The following PAQR3 variants were observed in gnomAD, a reference collection of about 807,000 sequenced individuals.
The protein encoded by PAQR3 is progestin and adipoQ receptor family member 3, also known as Raf kinase trapping to Golgi.
A neutral mutation model predicts 41.7 loss-of-function variants in PAQR3; 39 were observed. The ratio of observed to expected loss-of-function variants is 0.93; its 90% CI spans 0.72 to 1.22. The LOEUF is 1.22. Ranked by LOEUF, PAQR3 falls within the 50% of genes most tolerant of loss-of-function variation. The pLI is 0.00. For synonymous variants in PAQR3, 140 were observed against 140.6 expected (o/e 1.00, Z 0.03); for missense variants, 366 against 385.6 (o/e 0.95, Z 0.42).
At chr4:78,927,099 C>A (rs575498811) in intron 3 of PAQR3, among the ~76,000 whole-genome samples, 40 of 152,180 alleles carry the variant, frequency 2.6e-4, no homozygotes, top group Non-Finnish European at 4.9e-4. Flanking sequence ...ATGGTAGATA[C>A]CGTAATTGAG....
At chr4:78,910,795 T>C, downstream of PAQR3, 2 of 1,613,814 alleles carry the variant, frequency 1.2e-6, no homozygotes, top group Non-Finnish European at 1.7e-6. Flanking sequence ...AGATCCCCCT[T>C]CTCCTAAGAG....
chr4:78,894,578 G>A (rs1463893123), intron 11 of PAQR3, among the ~76,000 whole-genome samples: 1 of 152,170 alleles, frequency 6.6e-6, no homozygotes, highest in Non-Finnish European at 1.5e-5. Flanking sequence ...TTTGGCTTAC[G>A]GGAACGCAGT....
intron 2 of PAQR3, among the ~76,000 whole-genome samples, chr4:78,934,149 T>C (rs1353289326): frequency 5.9e-5 from 9 of 152,366 alleles, no homozygotes; most frequent in Admixed American, 1.3e-4. Flanking sequence ...AAATAGATTA[T>C]GCTTTCCCTC....
At position 78,939,354 on chromosome 4, in the gene PAQR3, G is replaced by C; in HGVS notation, c.-130C>G. The C allele has an allele frequency of 1.3e-6, 1 of 789,000 alleles. No homozygotes were observed. 48.9% of individuals were successfully genotyped at this position (789,000 alleles called of 1,614,324 possible). A position where few individuals can be genotyped will look rare whatever the true frequency, so the allele number is the denominator to read the frequency against. ...CTGCGCGAGGTCCTACCGCGCTGCC[G>C]CTGCTGCCCAGGGCCCGGCTCTGCG... On this transcript the variant is annotated 5_prime_UTR_variant, in exon 1 of 6. Transcript: ENST00000512733.
rs138182736 is a variant in PAQR3 at position 78,929,410 on chromosome 4, T to C, written c.504+760A>G. 8.1e-3 allele frequency among the ~76,000 whole-genome samples: 1,235 copies of C among 152,292 alleles called. 6 individuals carry two copies. Among genetic ancestry groups the C allele is most frequent in the Non-Finnish European group, 0.014 (930 of 68,020 alleles). Reference sequence around the variant, plus strand: ...GAGATGTACTGAAACCATGGGAACATTGAATTTGTCTTCTTGGCTGGAACA... The same window carrying C: ...GAGATGTACTGAAACCATGGGAACACTGAATTTGTCTTCTTGGCTGGAACA... On this transcript the variant is annotated intron_variant, in intron 3 of 5. Coordinates refer to ENST00000512733, the MANE Select transcript of PAQR3 (RefSeq NM_001040202.2).
chr4:78,926,751 T>C, intron 3 of PAQR3, 33 bp from the exon 4 acceptor site: 1 of 1,583,788 alleles, frequency 6.3e-7, no homozygotes, highest in East Asian at 2.2e-5. Flanking sequence ...TTTAATTCTG[T>C]TATTAACAAT....
chr4:78,921,949 TTTGA>T, intron 5 of PAQR3: 2 of 984,950 alleles, frequency 2.0e-6, no homozygotes, highest in South Asian at 4.7e-5. Flanking sequence ...TTACAATAAG[TTTGA>T]TTGTTTATAT....
rs1736373952 is a variant in PAQR3, at chr4:78,927,613, A to G, written c.505-895T>C. Among the ~76,000 whole-genome samples, 7 of 152,384 alleles carry G rather than the reference A, an allele frequency of 4.6e-5. No homozygotes were observed. In the South Asian group the frequency reaches 1.2e-3, roughly 27 times the overall value. On this transcript the variant is annotated intron_variant, in intron 3 of 5. Transcript: ENST00000512733. ...GACTGTTTTTGGCCTGAAAGGCCAC[A>G]TAAATGGCTTCTATTAATGAAGCAA...
chr4:78,926,628 A>T lies in PAQR3; in HGVS notation c.595T>A (p.Trp199Arg). 6.2e-7 allele frequency: 1 copy of T among 1,613,976 alleles called. No homozygotes were observed. Among genetic ancestry groups the T allele is most frequent in the Non-Finnish European group, 8.5e-7 (1 of 1,179,842 alleles). The change falls in exon 4 of 6, where the codon TGG (tryptophan) becomes AGG (arginine). Residue 199 changes from tryptophan to arginine, a missense_variant. Trp to Arg is a moderately radical substitution (Grantham distance 101). Coordinates refer to ENST00000512733, the MANE Select transcript of PAQR3 (RefSeq NM_001040202.2). ...QIHPNYLTQQ[W>R]QRLRSIIFCS... is the part of the protein sequence containing the mutation. ...AAGATGATAGAACGGAGCCTTTGCC[A>T]TTGCTGCGTGAGGTAATTGGGATGA...
intron 11 of PAQR3, chr4:78,898,709 C>T (rs1197634859): frequency 6.8e-6 from 1 of 147,758 alleles, no homozygotes; most frequent in African/African-American, 2.5e-5. Flanking sequence ...AACAAAATGA[C>T]TACAGAAATT....
chr4:78,893,233 T>TAG (rs1266591988), intron 11 of PAQR3, among the ~76,000 whole-genome samples: 2 of 152,232 alleles, frequency 1.3e-5, no homozygotes, highest in Non-Finnish European at 2.9e-5. Flanking sequence ...TGCTCAAGCA[T>TAG]AAGCAACTCC....
At chr4:78,896,643 CTA>C (rs1318967162) in intron 11 of PAQR3, among the ~76,000 whole-genome samples, 2 of 152,128 alleles carry the variant, frequency 1.3e-5, no homozygotes, top group East Asian at 3.8e-4. Context: ...AACTATGAGA[CTA>C]ATATGTCTAC....
At chr4:78,887,409 CT>C in intron 12 of PAQR3, 1 of 716,084 alleles carries the variant, frequency 1.4e-6, no homozygotes. Context: ...ATATTTTAAC[CT>C]TTAGCCATCC....
chr4:78,887,330 A>C, intron 12 of PAQR3: 1 of 1,342,640 alleles, frequency 7.4e-7, no homozygotes, highest in Non-Finnish European at 1.1e-6. Flanking sequence ...TAAAACACAC[A>C]AGAACAACAG....
downstream of PAQR3, chr4:78,911,627 G>A (rs754406648): frequency 3.1e-6 from 5 of 1,613,838 alleles, no homozygotes; most frequent in East Asian, 2.2e-5. Flanking sequence ...GTGGGCCGCC[G>A]AGACTCTCAA....
At position 78,919,526 on chromosome 4, in the gene PAQR3, G is replaced by A. The variant is rs759658925; in HGVS notation, c.*1013C>T. Reference sequence around the variant, plus strand: ...TAACACATGCAGAAACCGAGGACCAGAGCACAGGTGAATAAGATTATTATC... The same window carrying A: ...TAACACATGCAGAAACCGAGGACCAAAGCACAGGTGAATAAGATTATTATC... On this transcript the variant is annotated 3_prime_UTR_variant, in exon 6 of 6. Transcript: ENST00000512733. 1.0e-5 allele frequency: 10 copies of A among 985,014 alleles called. No homozygotes were observed. The highest frequency in any genetic ancestry group is 1.1e-5 in the Non-Finnish European group (9 of 829,794). 61.0% of individuals were successfully genotyped at this position (985,014 alleles called of 1,614,324 possible).
downstream of PAQR3, chr4:78,910,730 C>G: frequency 6.2e-7 from 1 of 1,613,704 alleles, no homozygotes; most frequent in Non-Finnish European, 8.5e-7. Context: ...AAGAAAACCT[C>G]AGTACAGGGT....
chr4:78,936,779 T>A (rs1213273386), intron 1 of PAQR3, among the ~76,000 whole-genome samples: 1 of 152,198 alleles, frequency 6.6e-6, no homozygotes, highest in African/African-American at 2.4e-5. Context: ...AAATCCAGTA[T>A]AACCTGACTA....
At chr4:78,897,744 T>G (rs913210523) in intron 11 of PAQR3, among the ~76,000 whole-genome samples, 5 of 152,196 alleles carry the variant, frequency 3.3e-5, no homozygotes, top group Admixed American at 6.5e-5. Context: ...ACCTTCTAAT[T>G]TCCCAGCCGT....
Sources: allele counts gnomAD v4.1 joint callset (sites outside exome capture counted in the v4.1 genomes callset), GRCh38; gene constraint gnomAD v4.1.1; transcripts MANE v1.5; gene names NCBI Gene and HGNC (gene_info 2026-07-23, HGNC 2026-07-21).